Variants in FSHR observed in about 807,000 individuals in gnomAD.
FSHR encodes follicle stimulating hormone receptor.
FSHR carries 46 observed loss-of-function variants against 52.1 expected under a neutral mutation model. That is an observed-to-expected ratio of 0.88 (90% CI 0.70 to 1.13). The LOEUF (loss-of-function observed/expected upper bound fraction) is 1.13, where lower values mean the gene tolerates loss of function less well. Ranked by LOEUF, FSHR falls within the 50% of genes most tolerant of loss-of-function variation. FSHR has a pLI of 0.00. For synonymous variants in FSHR, 399 were observed against 309.6 expected (o/e 1.29, Z -3.03); for missense variants, 964 against 834.6 (o/e 1.16, Z -1.91).
At chr2:48,966,030 G>C (rs144777135) in intron 9 of FSHR, among the ~76,000 whole-genome samples, 1 of 152,286 alleles carries the variant, frequency 6.6e-6, no homozygotes, top group East Asian at 1.9e-4. Flanking sequence ...TTGGAGGCAG[G>C]CAGACCAGAT....
At chr2:49,013,497 T>TATAAATATATATATAAATATATATATAA (rs1667363146) in intron 4 of FSHR, among the ~76,000 whole-genome samples, 1 of 66,560 alleles carries the variant, frequency 1.5e-5, no homozygotes, top group African/African-American at 3.6e-5. Context: ...TATATATATA[T>TATAAATATATATATAAATATATATATAA]ATAAATATAT....
intron 3 of FSHR, among the ~76,000 whole-genome samples, chr2:49,019,827 G>A (rs763946901): frequency 1.5e-4 from 23 of 152,222 alleles, no homozygotes; most frequent in Non-Finnish European, 3.1e-4. Flanking sequence ...CTTGCACATA[G>A]TCACTGGGCA....
intron 4 of FSHR, among the ~76,000 whole-genome samples, chr2:49,001,649 A>C (rs957855431): frequency 6.6e-6 from 1 of 152,176 alleles, no homozygotes; most frequent in Non-Finnish European, 1.5e-5. Flanking sequence ...TTATTTAGAA[A>C]GCTATTTCTT....
At chr2:49,101,001 G>A (rs1231429376) in intron 1 of FSHR, among the ~76,000 whole-genome samples, 1 of 152,090 alleles carries the variant, frequency 6.6e-6, no homozygotes, top group African/African-American at 2.4e-5. Flanking sequence ...AATGGCAAGT[G>A]CATCAAAGAG....
chr2:49,086,396 C>A (rs1416564786), intron 1 of FSHR, among the ~76,000 whole-genome samples: 8 of 152,152 alleles, frequency 5.3e-5, no homozygotes, highest in Non-Finnish European at 1.5e-5. Context: ...TGGGTGACAC[C>A]TTATAAATGG....
chr2:49,143,036 T>A (rs1414303873), intron 1 of FSHR, among the ~76,000 whole-genome samples: 2 of 152,166 alleles, frequency 1.3e-5, no homozygotes, highest in African/African-American at 4.8e-5. Flanking sequence ...TTGGGCTCCA[T>A]AAGGCAGTCA....
At chr2:49,146,339 C>T (rs2103850643) in intron 1 of FSHR, among the ~76,000 whole-genome samples, 1 of 152,092 alleles carries the variant, frequency 6.6e-6, no homozygotes, top group Admixed American at 6.6e-5. Context: ...GGATGTGGCC[C>T]TTTCATATAA....
chr2:49,121,072 A>T (rs1419855421), intron 1 of FSHR, among the ~76,000 whole-genome samples: 1 of 152,210 alleles, frequency 6.6e-6, no homozygotes, highest in Non-Finnish European at 1.5e-5. Context: ...TTGAAAGAAA[A>T]ATTGCTAAAC....
intron 2 of FSHR, among the ~76,000 whole-genome samples, chr2:49,056,028 T>C (rs1669049582): frequency 6.6e-6 from 1 of 151,984 alleles, no homozygotes; most frequent in Non-Finnish European, 1.5e-5. Context: ...AGCCTATCAC[T>C]ACAGAAAACC....
intron 4 of FSHR, among the ~76,000 whole-genome samples, chr2:49,006,013 C>T (rs1441364304): frequency 3.9e-5 from 6 of 152,104 alleles, no homozygotes; most frequent in African/African-American, 1.4e-4. Flanking sequence ...CTGGCTTAGC[C>T]TCTCAGCCTA....
chr2:48,974,174 T>A (rs1382814648), intron 8 of FSHR, among the ~76,000 whole-genome samples: 1 of 152,088 alleles, frequency 6.6e-6, no homozygotes, highest in Non-Finnish European at 1.5e-5. Context: ...GGTAAGTATA[T>A]GTGGCTGAGA....
intron 1 of FSHR, among the ~76,000 whole-genome samples, chr2:49,128,222 T>G (rs1193024279): frequency 6.6e-6 from 1 of 152,058 alleles, no homozygotes; most frequent in Admixed American, 6.6e-5. Flanking sequence ...TTAGTTTTTC[T>G]GTGCTTCACA....
intron 1 of FSHR, among the ~76,000 whole-genome samples, chr2:49,095,476 C>T (rs928989127): frequency 1.3e-5 from 2 of 151,968 alleles, no homozygotes; most frequent in African/African-American, 4.8e-5. Context: ...AATATTAACT[C>T]GAAATTGATT....
intron 2 of FSHR, among the ~76,000 whole-genome samples, chr2:49,060,644 C>T (rs1394207): frequency 0.35 from 52,571 of 152,088 alleles, 9,704 homozygotes; most frequent in East Asian, 0.49. Context: ...CAAGGCTGAG[C>T]TGTTATAGTA....
At chr2:49,039,133 A>T (rs6545093) in intron 2 of FSHR, among the ~76,000 whole-genome samples, 32,970 of 94,976 alleles carry the variant, frequency 0.35, 5,333 homozygotes, top group African/African-American at 0.49. Context: ...TTTACAGGTT[A>T]TTTTGTTGTA....
chr2:49,139,168 AG>A (rs1352512707), intron 1 of FSHR, among the ~76,000 whole-genome samples: 2 of 152,232 alleles, frequency 1.3e-5, no homozygotes, highest in African/African-American at 4.8e-5. Flanking sequence ...AGAACAATGC[AG>A]GTTTTCACAG....
chr2:48,977,017 G>C (rs1573032819), intron 8 of FSHR, among the ~76,000 whole-genome samples: 1 of 151,720 alleles, frequency 6.6e-6, no homozygotes, highest in East Asian at 1.9e-4. Flanking sequence ...TGGGTTGATG[G>C]GTGCAGCAAA....
At chr2:49,073,469 A>G (rs72822012) in intron 1 of FSHR, among the ~76,000 whole-genome samples, 6,630 of 152,154 alleles carry the variant, frequency 0.044, 419 homozygotes, top group East Asian at 0.22. Context: ...CTACAAAAAA[A>G]TACCCAGGAA....
At chr2:49,113,599 T>G (rs1671502384) in intron 1 of FSHR, among the ~76,000 whole-genome samples, 1 of 152,210 alleles carries the variant, frequency 6.6e-6, no homozygotes, top group African/African-American at 2.4e-5. Context: ...CATTTTTCTC[T>G]TTTACTTTAA....
Sources: allele counts gnomAD v4.1 joint callset (sites outside exome capture counted in the v4.1 genomes callset), GRCh38; gene constraint gnomAD v4.1.1; transcripts MANE v1.5; gene names NCBI Gene and HGNC (gene_info 2026-07-23, HGNC 2026-07-21).